MCF2L2: variants seen among roughly 807,000 people sequenced by gnomAD.
The protein encoded by MCF2L2 is MCF.2 cell line derived transforming sequence-like 2.
MCF2L2 carries 102 observed loss-of-function variants against 150.2 expected under a neutral mutation model. The ratio of observed to expected loss-of-function variants is 0.68; its 90% CI spans 0.58 to 0.80. The LOEUF (loss-of-function observed/expected upper bound fraction) is 0.80. Ranked by LOEUF, MCF2L2 falls within the 30% of genes least tolerant of loss-of-function variation. The pLI is 0.00. For synonymous variants in MCF2L2, 465 were observed against 491.3 expected (o/e 0.95, Z 0.71); for missense variants, 1,256 against 1,372.8 (o/e 0.91, Z 1.34).
intron 14 of MCF2L2, among the ~76,000 whole-genome samples, chr3:183,278,111 G>T (rs1041933974): frequency 2.6e-5 from 4 of 151,604 alleles, no homozygotes; most frequent in African/African-American, 9.7e-5. Flanking sequence ...TTGAGCCTGG[G>T]AGGCAGAGGT....
intron 3 of MCF2L2, among the ~76,000 whole-genome samples, chr3:183,364,318 C>T (rs989046529): frequency 1.3e-5 from 2 of 151,856 alleles, no homozygotes; most frequent in Non-Finnish European, 2.9e-5. Flanking sequence ...AGATCGAGAC[C>T]ATCCTGGCTA....
chr3:183,301,079 C>T (rs960959935), intron 10 of MCF2L2, among the ~76,000 whole-genome samples: 2 of 151,348 alleles, frequency 1.3e-5, no homozygotes, highest in Non-Finnish European at 2.9e-5. Context: ...CCTGTAAGGG[C>T]CCTGTCTACA....
chr3:183,310,632 C>T lies in MCF2L2; in HGVS notation c.993+283G>A, dbSNP rs761336027. On this transcript the variant is annotated intron_variant, in intron 9 of 29. Coordinates refer to ENST00000328913, the MANE Select transcript of MCF2L2 (RefSeq NM_015078.4). ...GAGCCATGATCACACCACTGCACTC[C>T]GGCCGGAGTGACAGAGCAAGACCCT... 2.3e-4 allele frequency: 76 copies of T among 337,222 alleles called. 1 individual carries two copies. Among genetic ancestry groups the T allele is most frequent in the South Asian group, 1.2e-3 (42 of 34,254 alleles). The allele number at this position is 337,222 out of a possible 1,614,324, so 20.9% of individuals were successfully genotyped here. A position where few individuals can be genotyped will look rare whatever the true frequency, so the allele number is the denominator to read the frequency against.
chr3:183,323,532 C>T (rs1384689187), intron 5 of MCF2L2, among the ~76,000 whole-genome samples, 181 bp from the exon 6 acceptor site: 1 of 151,706 alleles, frequency 6.6e-6, no homozygotes, highest in Non-Finnish European at 1.5e-5. Flanking sequence ...TCGCTCATGC[C>T]GGTAATCTCA....
intron 4 of MCF2L2, 42 bp from the exon 5 acceptor site, chr3:183,338,961 G>A (rs766596384): frequency 7.0e-6 from 11 of 1,573,490 alleles, no homozygotes; most frequent in Admixed American, 1.7e-5. Flanking sequence ...AGAGAAAAAT[G>A]TCATATTCGT....
intron 14 of MCF2L2, among the ~76,000 whole-genome samples, chr3:183,280,175 C>T (rs759243933): frequency 4.6e-5 from 7 of 152,012 alleles, no homozygotes; most frequent in African/African-American, 1.4e-4. Flanking sequence ...CTTACCAACA[C>T]GCAGGCTCTC....
intron 12 of MCF2L2, among the ~76,000 whole-genome samples, 199 bp from the exon 13 acceptor site, chr3:183,295,676 A>ACTTGAGACC (rs879681919): frequency 6.6e-5 from 10 of 151,950 alleles, no homozygotes; most frequent in Non-Finnish European, 1.5e-4. Context: ...AGCCTCTCCT[A>ACTTGAGACC]CTTGAGACCC....
intron 1 of MCF2L2, among the ~76,000 whole-genome samples, chr3:183,396,997 C>A (rs150043980): frequency 1.8e-4 from 27 of 152,280 alleles, no homozygotes; most frequent in African/African-American, 6.5e-4. Context: ...GGACTTGTGG[C>A]CTCTAGGACT....
intron 27 of MCF2L2, 119 bp from the exon 28 acceptor site, chr3:183,180,278 C>T: frequency 1.4e-6 from 1 of 713,628 alleles, no homozygotes; most frequent in Non-Finnish European, 2.5e-6. Flanking sequence ...TCTCTAACTC[C>T]TGCTCTCCAA....
chr3:183,420,456 G>A (rs1715820351), intron 1 of MCF2L2, among the ~76,000 whole-genome samples: 2 of 152,066 alleles, frequency 1.3e-5, no homozygotes, highest in Admixed American at 1.3e-4. Context: ...AAATTAGCCG[G>A]GCGTTGTGGC....
At chr3:183,180,296 C>A in intron 27 of MCF2L2, 137 bp from the exon 28 acceptor site, 2 of 672,114 alleles carry the variant, frequency 3.0e-6, no homozygotes, top group Non-Finnish European at 5.3e-6. Flanking sequence ...CAAGGGCCTG[C>A]ACTGCGCTGG....
intron 3 of MCF2L2, chr3:183,376,426 C>T (rs185584382): frequency 1.1e-4 from 16 of 152,360 alleles, no homozygotes; most frequent in African/African-American, 3.8e-4. Flanking sequence ...CATCCCTATT[C>T]ACCCTCTTCC....
At chr3:183,314,747 C>T (rs1228065377) in intron 7 of MCF2L2, among the ~76,000 whole-genome samples, 3 of 150,440 alleles carry the variant, frequency 2.0e-5, no homozygotes, top group Non-Finnish European at 3.0e-5. Flanking sequence ...AATAGTTTTT[C>T]ACTTTTCCAG....
chr3:183,411,141 G>A (rs543796474), intron 1 of MCF2L2, among the ~76,000 whole-genome samples: 18 of 152,176 alleles, frequency 1.2e-4, no homozygotes, highest in Admixed American at 4.6e-4. Context: ...GCTCCAAAAG[G>A]AGCTAATTTT....
At chr3:183,322,894 T>A (rs1729871409) in intron 6 of MCF2L2, among the ~76,000 whole-genome samples, 1 of 152,176 alleles carries the variant, frequency 6.6e-6, no homozygotes, top group Non-Finnish European at 1.5e-5. Context: ...GGGAGTTCTG[T>A]GGTGTGTTAA....
At chr3:183,307,046 C>A (rs776889267) in intron 10 of MCF2L2, among the ~76,000 whole-genome samples, 1 of 152,166 alleles carries the variant, frequency 6.6e-6, no homozygotes, top group Non-Finnish European at 1.5e-5. Context: ...AACCCTCAAA[C>A]GAGAACAAGA....
At position 183,334,750 on chromosome 3, in the gene MCF2L2, G is replaced by A. The variant is rs922832044; in HGVS notation, c.486+4050C>T. Reference sequence around the variant, plus strand: ...AGATGTTCCAGTGAGCTGAGATTGCGCCATTGCACTCCAGCCTGGGCGACA... The same window carrying A: ...AGATGTTCCAGTGAGCTGAGATTGCACCATTGCACTCCAGCCTGGGCGACA... On this transcript the variant is annotated intron_variant, in intron 5 of 29. Coordinates refer to ENST00000328913, the MANE Select transcript of MCF2L2 (RefSeq NM_015078.4). 2.1e-5 allele frequency among the ~76,000 whole-genome samples: 3 copies of A among 144,898 alleles called. No homozygotes were observed. In the East Asian group the frequency reaches 6.1e-4, roughly 29 times the overall value.
At chr3:183,319,478 A>G (rs183201719) in intron 6 of MCF2L2, among the ~76,000 whole-genome samples, 1 of 152,354 alleles carries the variant, frequency 6.6e-6, no homozygotes, top group African/African-American at 2.4e-5. Flanking sequence ...AAAGGCATCC[A>G]GAATGATGAA....
intron 15 of MCF2L2, among the ~76,000 whole-genome samples, chr3:183,261,670 A>G (rs1384769799): frequency 1.3e-5 from 2 of 152,156 alleles, no homozygotes; most frequent in Non-Finnish European, 2.9e-5. Flanking sequence ...CTTGTTTTCT[A>G]TGTAGGTTTC....
Sources: allele counts gnomAD v4.1 joint callset (sites outside exome capture counted in the v4.1 genomes callset), GRCh38; gene constraint gnomAD v4.1.1; transcripts MANE v1.5; gene names NCBI Gene and HGNC (gene_info 2026-07-23, HGNC 2026-07-21).